The following PCP4 variants were observed in gnomAD, a reference collection of about 807,000 sequenced individuals.
PCP4 encodes Purkinje cell protein 4, also known as calmodulin regulator protein PCP4.
Under a neutral mutation model 10.0 loss-of-function variants are expected in PCP4, and 8 were observed. The observed-to-expected ratio is 0.80, with a 90% confidence interval of 0.47 to 1.45. The LOEUF (loss-of-function observed/expected upper bound fraction) is 1.45. Ranked by LOEUF, PCP4 falls within the 40% of genes most tolerant of loss-of-function variation. The pLI is 0.00. For synonymous variants in PCP4, 21 were observed against 23.0 expected, an observed-to-expected ratio of 0.91 and a Z score of 0.24; for missense variants, 54 against 74.4, an observed-to-expected ratio of 0.73 and a Z score of 1.01.
chr21:39,903,867 C>CAAAA (rs1210365373), intron 2 of PCP4, among the ~76,000 whole-genome samples: 353 of 34,736 alleles, frequency 0.01, 18 homozygotes, highest in African/African-American at 0.03. Context: ...GACTCCGTCT[C>CAAAA]AAAAAAAACA....
At chr21:39,881,394 A>G (rs16998802) in intron 1 of PCP4, among the ~76,000 whole-genome samples, 5,289 of 152,306 alleles carry the variant, frequency 0.035, 309 homozygotes, top group African/African-American at 0.12. Context: ...GAACAGTGGC[A>G]TTAGCCTCCA....
At chr21:39,887,688 G>GC (rs1450499584) in intron 1 of PCP4, among the ~76,000 whole-genome samples, 11 of 151,422 alleles carry the variant, frequency 7.3e-5, no homozygotes, top group African/African-American at 2.7e-4. Context: ...GGCTGTTGAT[G>GC]CCATTTCACT....
At chr21:39,910,992 CTT>C (rs769487014) in intron 2 of PCP4, among the ~76,000 whole-genome samples, 7 of 152,048 alleles carry the variant, frequency 4.6e-5, no homozygotes, top group Non-Finnish European at 8.8e-5. Context: ...ACGACATTGT[CTT>C]TGGGCGCTTG....
chr21:39,924,638 A>G (rs1204633895), intron 2 of PCP4, among the ~76,000 whole-genome samples: 1 of 152,142 alleles, frequency 6.6e-6, no homozygotes, highest in Non-Finnish European at 1.5e-5. Flanking sequence ...CCCGGGCTCC[A>G]GTGATCCTCC....
At chr21:39,874,661 CTTT>C in intron 1 of PCP4, among the ~76,000 whole-genome samples, 1 of 140,410 alleles carries the variant, frequency 7.1e-6, no homozygotes, top group South Asian at 2.3e-4. Context: ...TTTTCAAGAT[CTTT>C]TTTTTTTTTC....
intron 1 of PCP4, among the ~76,000 whole-genome samples, chr21:39,868,780 C>A (rs1056357309): frequency 6.6e-6 from 1 of 152,176 alleles, no homozygotes; most frequent in Non-Finnish European, 1.5e-5. Context: ...AGCTAAAGAA[C>A]AGTAGAGCCA....
rs145967574 is a variant in PCP4 at position 39,906,218 on chromosome 21, G to T, written c.61+7691G>T. Among the ~76,000 whole-genome samples the T allele has an allele frequency of 1.3e-5, 2 of 152,210 alleles. No homozygotes were observed. Among genetic ancestry groups the T allele is most frequent in the Non-Finnish European group, 1.5e-5 (1 of 68,038 alleles). On this transcript the variant is annotated intron_variant, in intron 2 of 2. Coordinates refer to ENST00000328619, the MANE Select transcript of PCP4 (RefSeq NM_006198.3). This position sits in a 1 kb window ranked among gnomAD's most constrained non-coding sequence, Gnocchi z 6.3. The stretch of plus-strand genomic sequence containing the variant: ...ACCCACAGTCCAAACACACCAGGTT[G>T]TCTCTATTTACACTTTCTCCTGACT...
intron 2 of PCP4, among the ~76,000 whole-genome samples, chr21:39,913,242 G>A (rs1257809248): frequency 5.9e-4 from 14 of 23,568 alleles, no homozygotes; most frequent in Non-Finnish European, 1.1e-3. Context: ...TTAAGATAGT[G>A]TCATTTTAAA....
At chr21:39,916,111 G>C (rs1008230187) in intron 2 of PCP4, 1 of 152,096 alleles carries the variant, frequency 6.6e-6, no homozygotes, top group Non-Finnish European at 1.5e-5. Context: ...GTGGTTTGCT[G>C]TTGGGGCAGC....
In PCP4 at chr21:39,888,489, T is replaced by C. The variant is rs1367259969; in HGVS notation, c.10-9987T>C. ...TGTGGCCAGTAGGAGGCATGGATTA[T>C]CATTTTTCTTTGGCAGGGAGGGAAC... On this transcript the variant is annotated intron_variant, in intron 1 of 2. Transcript: ENST00000328619. 3.3e-5 allele frequency among the ~76,000 whole-genome samples: 5 copies of C among 152,308 alleles called. No homozygotes were observed. In the East Asian group the frequency reaches 9.6e-4, roughly 29 times the overall value.
intron 2 of PCP4, among the ~76,000 whole-genome samples, chr21:39,899,079 T>G (rs2837275): frequency 0.14 from 20,986 of 152,058 alleles, 1,640 homozygotes; most frequent in Middle Eastern, 0.23. Context: ...ACCATGACCC[T>G]AAATTGTAGG....
rs566304392 is a variant in PCP4, at chr21:39,875,113, G to C, written c.9+7603G>C. On this transcript the variant is annotated intron_variant, in intron 1 of 2. Coordinates refer to ENST00000328619, the MANE Select transcript of PCP4 (RefSeq NM_006198.3). ...AAGTGAAACCAAGGAAGGTTAAGGGGGAACTACTGTGTGCAATTTCTTTAT... is the reference window on the plus strand; with the variant it reads ...AAGTGAAACCAAGGAAGGTTAAGGGCGAACTACTGTGTGCAATTTCTTTAT... 8.5e-5 allele frequency among the ~76,000 whole-genome samples: 13 copies of C among 152,270 alleles called. No individual in the cohort carries two copies. In the South Asian group the frequency reaches 2.7e-3, roughly 32 times the overall value.
At chr21:39,885,256 C>T (rs2087394383) in intron 1 of PCP4, among the ~76,000 whole-genome samples, 1 of 152,214 alleles carries the variant, frequency 6.6e-6, no homozygotes, top group African/African-American at 2.4e-5. Flanking sequence ...GCGCCACCTG[C>T]TCCTGCTCCA....
chr21:39,912,455 G>A (rs2087544788), intron 2 of PCP4, among the ~76,000 whole-genome samples: 1 of 151,730 alleles, frequency 6.6e-6, no homozygotes, highest in Non-Finnish European at 1.5e-5. Context: ...AAAGCTTTTT[G>A]GATGGGGATG....
chr21:39,905,546 A>T (rs2087502790), intron 2 of PCP4, among the ~76,000 whole-genome samples: 1 of 152,166 alleles, frequency 6.6e-6, no homozygotes, highest in South Asian at 2.1e-4. Context: ...GAATTTATTA[A>T]CATCCATCTC....
rs1193554107 is a variant in PCP4, at chr21:39,903,705, A to T, written c.61+5178A>T. 3.3e-5 allele frequency among the ~76,000 whole-genome samples: 5 copies of T among 151,720 alleles called. 1 individual carries two copies. The South Asian group carries it at 8.3e-4, about 25-fold the overall frequency. On this transcript the variant is annotated intron_variant, in intron 2 of 2. Transcript: ENST00000328619. ...AACACGGTGAAACCCCGTCTCTACTAAAAATACAAAAAATTATCCGGGCGC... is the reference window on the plus strand; with the variant it reads ...AACACGGTGAAACCCCGTCTCTACTTAAAATACAAAAAATTATCCGGGCGC...
intron 1 of PCP4, among the ~76,000 whole-genome samples, chr21:39,878,366 CAT>C (rs1444855469): frequency 6.6e-6 from 1 of 152,196 alleles, no homozygotes; most frequent in African/African-American, 2.4e-5. Flanking sequence ...TCTTAAAAGT[CAT>C]ACAATTTAGA....
chr21:39,921,395 C>G (rs1393495081), intron 2 of PCP4, among the ~76,000 whole-genome samples: 2 of 152,186 alleles, frequency 1.3e-5, no homozygotes, highest in African/African-American at 4.8e-5. Context: ...CCTTCTAGAA[C>G]GGGGATGATG....
intron 1 of PCP4, 40 bp downstream of exon 1, chr21:39,867,550 G>A: frequency 6.2e-7 from 1 of 1,604,248 alleles, no homozygotes; most frequent in Non-Finnish European, 8.5e-7. Context: ...ACTTAGGAGT[G>A]AGAAGGGACC....
Sources: gnomAD v4.1 joint callset for allele counts (sites outside exome capture counted in the v4.1 genomes callset) on GRCh38, gnomAD v4.1.1 for gene constraint, Gnocchi (gnomAD v3.1) non-coding constraint, MANE v1.5 for transcripts, NCBI Gene and HGNC (gene_info 2026-07-23, HGNC 2026-07-21) for gene names.